PDE4B: variants seen among roughly 807,000 people sequenced by gnomAD.
PDE4B encodes 3',5'-cyclic-AMP phosphodiesterase 4B.
A neutral mutation model predicts 82.2 loss-of-function variants in PDE4B; 20 were observed. That is an observed-to-expected ratio of 0.24 (90% CI 0.17 to 0.35). The LOEUF is 0.35. Ranked by LOEUF, PDE4B falls within the 10% of genes least tolerant of loss-of-function variation. The pLI, the probability that PDE4B is intolerant of heterozygous loss-of-function variation, is 1.00. For synonymous variants in PDE4B, 320 were observed against 318.9 expected, an observed-to-expected ratio of 1.00 and a Z score of -0.04; for missense variants, 655 against 907.2, an observed-to-expected ratio of 0.72 and a Z score of 3.57.
chr1:65,868,058 A>G (rs75171441), intron 1 of PDE4B, among the ~76,000 whole-genome samples: 2 of 152,274 alleles, frequency 1.3e-5, no homozygotes, highest in African/African-American at 4.8e-5. Context: ...GGTTCTTGCT[A>G]TCCTTTTCTT....
intron 1 of PDE4B, among the ~76,000 whole-genome samples, chr1:65,833,171 A>G (rs1433009602): frequency 6.6e-6 from 1 of 152,218 alleles, no homozygotes; most frequent in Non-Finnish European, 1.5e-5. Context: ...GTAAAAATTT[A>G]TAGATTGGTG....
chr1:66,063,433 A>T (rs1655684658), intron 3 of PDE4B, among the ~76,000 whole-genome samples: 1 of 152,008 alleles, frequency 6.6e-6, no homozygotes, highest in Admixed American at 6.6e-5. Context: ...GGTAATTCTA[A>T]TGTGAAGCCA....
intron 3 of PDE4B, among the ~76,000 whole-genome samples, chr1:66,022,736 G>C (rs551748470): frequency 2.1e-4 from 32 of 152,044 alleles, no homozygotes; most frequent in Non-Finnish European, 4.7e-4. Context: ...TTTTTGCATC[G>C]ATGTTCATCA....
chr1:65,819,049 A>G (rs1316019249), intron 1 of PDE4B, among the ~76,000 whole-genome samples: 1 of 152,158 alleles, frequency 6.6e-6, no homozygotes, highest in East Asian at 1.9e-4. Context: ...CAGTCTAACA[A>G]AACAGCTGCT....
At chr1:66,059,237 T>C (rs1055246761) in intron 3 of PDE4B, among the ~76,000 whole-genome samples, 1 of 152,190 alleles carries the variant, frequency 6.6e-6, no homozygotes, top group Non-Finnish European at 1.5e-5. Flanking sequence ...TGGACCTTAC[T>C]GTTCATATCA....
intron 8 of PDE4B, among the ~76,000 whole-genome samples, chr1:66,352,615 A>T (rs1557720828): frequency 2.0e-5 from 3 of 152,206 alleles, no homozygotes; most frequent in Non-Finnish European, 4.4e-5. Context: ...TACCCTCTCT[A>T]GACTGTTTGC....
intron 7 of PDE4B, among the ~76,000 whole-genome samples, chr1:66,282,188 G>A (rs1435128973): frequency 6.6e-6 from 1 of 152,026 alleles, no homozygotes; most frequent in African/African-American, 2.4e-5. Flanking sequence ...CCAGATTCTA[G>A]AACTAGAGAG....
intron 2 of PDE4B, among the ~76,000 whole-genome samples, chr1:65,914,638 A>G (rs1201420617): frequency 1.3e-5 from 2 of 150,838 alleles, no homozygotes; most frequent in African/African-American, 4.9e-5. Context: ...TTGTCCCTTA[A>G]TACTATTTGT....
intron 1 of PDE4B, among the ~76,000 whole-genome samples, chr1:65,859,010 C>G (rs138107737): frequency 2.6e-5 from 4 of 152,212 alleles, no homozygotes; most frequent in Non-Finnish European, 5.9e-5. Context: ...GCTGTTTGAA[C>G]TTTATTATAT....
intron 3 of PDE4B, among the ~76,000 whole-genome samples, chr1:66,060,504 G>T (rs1655528880): frequency 6.6e-6 from 1 of 152,132 alleles, no homozygotes; most frequent in South Asian, 2.1e-4. Flanking sequence ...GTTTACACGT[G>T]TAAAATACAC....
intron 3 of PDE4B, among the ~76,000 whole-genome samples, chr1:66,117,745 G>C (rs572242543): frequency 2.6e-5 from 4 of 152,246 alleles, no homozygotes; most frequent in Admixed American, 2.6e-4. Context: ...CAGCCCATCT[G>C]AGTTTTCTTT....
intron 1 of PDE4B, among the ~76,000 whole-genome samples, chr1:65,848,749 T>C (rs1205858415): frequency 6.6e-6 from 1 of 152,212 alleles, no homozygotes; most frequent in Non-Finnish European, 1.5e-5. Context: ...CAATATGTTA[T>C]TGCGTTGATA....
chr1:65,854,200 G>A (rs1646365932), intron 1 of PDE4B, among the ~76,000 whole-genome samples: 1 of 150,756 alleles, frequency 6.6e-6, no homozygotes, highest in African/African-American at 2.4e-5. Flanking sequence ...ATATATATAT[G>A]CAAATATATA....
intron 3 of PDE4B, among the ~76,000 whole-genome samples, chr1:66,088,037 TA>T (rs1001226717): frequency 1.5e-4 from 22 of 151,432 alleles, no homozygotes; most frequent in African/African-American, 4.6e-4. Context: ...AAATAAATAA[TA>T]AAAAAAAGTT....
At chr1:66,324,394 T>C (rs1380125759) in intron 7 of PDE4B, among the ~76,000 whole-genome samples, 1 of 152,062 alleles carries the variant, frequency 6.6e-6, no homozygotes, top group Non-Finnish European at 1.5e-5. Context: ...TTGAGCAAAT[T>C]GTTAAATGCA....
At chr1:65,920,386 T>A (rs183901588) in intron 3 of PDE4B, among the ~76,000 whole-genome samples, 2 of 152,346 alleles carry the variant, frequency 1.3e-5, no homozygotes, top group South Asian at 2.1e-4. Context: ...TGGTGCTATA[T>A]CTGTTGTTAG....
At chr1:66,190,816 C>G (rs1227340416) in intron 3 of PDE4B, among the ~76,000 whole-genome samples, 4 of 152,060 alleles carry the variant, frequency 2.6e-5, no homozygotes, top group Non-Finnish European at 5.9e-5. Flanking sequence ...CCTGCTTTGG[C>G]TCATACTCGG....
Position 66,022,793 on chromosome 1 carries a change from G to C in PDE4B, c.281+103958G>C, listed in dbSNP as rs567145635. 1.6e-4 allele frequency among the ~76,000 whole-genome samples: 25 copies of C among 152,256 alleles called. No homozygotes were observed. In the East Asian group the frequency reaches 2.7e-3, roughly 16 times the overall value. ...CTTTTTTTTGTTGTGTCTCTGCCAG[G>C]CTTTGGTATCAGGATGATGCTGGCC... On this transcript the variant is annotated intron_variant, in intron 3 of 16. Transcript: ENST00000341517.
At chr1:65,887,640 A>T (rs1340803193) in intron 1 of PDE4B, among the ~76,000 whole-genome samples, 20 of 150,874 alleles carry the variant, frequency 1.3e-4, no homozygotes, top group Non-Finnish European at 3.0e-4. Context: ...CTGGTCTCAA[A>T]CTTCTGATCT....
Sources: allele counts gnomAD v4.1 joint callset (sites outside exome capture counted in the v4.1 genomes callset), GRCh38; gene constraint gnomAD v4.1.1; transcripts MANE v1.5; gene names NCBI Gene and HGNC (gene_info 2026-07-23, HGNC 2026-07-21).